The following UACA variants were observed in gnomAD, a reference collection of about 807,000 sequenced individuals.
UACA encodes the protein nuclear membrane binding protein.
Under a neutral mutation model 160.5 loss-of-function variants are expected in UACA, and 112 were observed. The observed-to-expected ratio is 0.70, with a 90% CI of 0.60 to 0.82. The LOEUF is 0.82. UACA is among the 40% of genes least tolerant of loss of function. UACA has a pLI of 0.00. For synonymous variants in UACA, 557 were observed against 568.4 expected, an observed-to-expected ratio of 0.98 and a Z score of 0.29; for missense variants, 1,574 against 1,614.6, an observed-to-expected ratio of 0.97 and a Z score of 0.43.
At chr15:70,665,673 G>C (rs1896878629) in intron 16 of UACA, among the ~76,000 whole-genome samples, 4 of 152,080 alleles carry the variant, frequency 2.6e-5, no homozygotes, top group Admixed American at 2.6e-4. Flanking sequence ...GCAACAAGTA[G>C]ATATTAATAA....
chr15:70,684,532 CT>C, intron 7 of UACA, 86 bp from the exon 8 acceptor site: 1 of 1,343,364 alleles, frequency 7.4e-7, no homozygotes, highest in Non-Finnish European at 1.0e-6. Context: ...TGAACACTGT[CT>C]TAGTGTTCAC....
intron 2 of UACA, among the ~76,000 whole-genome samples, chr15:70,697,209 C>T (rs1898160729): frequency 6.6e-6 from 1 of 152,092 alleles, no homozygotes; most frequent in South Asian, 2.1e-4. Flanking sequence ...AGTGAGCTAA[C>T]AAAATAGTAA....
intron 18 of UACA, among the ~76,000 whole-genome samples, chr15:70,657,437 C>A (rs1896518262): frequency 1.3e-5 from 2 of 151,942 alleles, no homozygotes; most frequent in African/African-American, 4.8e-5. Context: ...ATGGCGAAAC[C>A]CCATCTCTGG....
intron 13 of UACA, among the ~76,000 whole-genome samples, chr15:70,674,316 T>A (rs1421052002): frequency 6.6e-6 from 1 of 152,180 alleles, no homozygotes; most frequent in Non-Finnish European, 1.5e-5. Context: ...CCCATCATAC[T>A]GAATGGGAAC....
intron 2 of UACA, 70 bp from the exon 3 acceptor site, chr15:70,695,175 T>A (rs1015462560): frequency 5.6e-6 from 6 of 1,073,562 alleles, no homozygotes; most frequent in Non-Finnish European, 8.0e-6. Context: ...TACATTAATG[T>A]CACCCTTTTT....
intron 7 of UACA, among the ~76,000 whole-genome samples, chr15:70,685,713 G>A (rs1390285873): frequency 2.0e-5 from 3 of 151,968 alleles, no homozygotes; most frequent in African/African-American, 7.3e-5. Flanking sequence ...AAAAATGTGA[G>A]AGCTATAAAA....
intron 1 of UACA, among the ~76,000 whole-genome samples, chr15:70,718,715 A>C (rs188368626): frequency 1.2e-4 from 18 of 152,252 alleles, no homozygotes; most frequent in Admixed American, 9.8e-4. Flanking sequence ...AATTACTATA[A>C]CATGGCTGAA....
At chr15:70,713,893 AC>A (rs565538483) in intron 1 of UACA, among the ~76,000 whole-genome samples, 143 of 152,310 alleles carry the variant, frequency 9.4e-4, no homozygotes, top group African/African-American at 3.3e-3. Context: ...TGCTAAAAAA[AC>A]AACCATAAAA....
chr15:70,666,798 A>G lies in UACA; in HGVS notation c.3886T>C (p.Ser1296Pro). The change falls in exon 16 of 19, where the codon TCC (serine) becomes CCC (proline). Residue 1296 changes from serine (S) to proline (P), a missense_variant. Ser to Pro is a moderately conservative substitution (Grantham distance 74, BLOSUM62 -1). Coordinates refer to ENST00000322954, the MANE Select transcript of UACA (RefSeq NM_018003.4). ...IKDQKERCDKSLTTITELQRR... is the reference protein window; with the variant it reads ...IKDQKERCDKPLTTITELQRR... ...TGTAACTCTGTGATTGTTGTTAAGGACTTATCACATCGTTCCTTCTGATCC... is the reference window on the plus strand; with the variant it reads ...TGTAACTCTGTGATTGTTGTTAAGGGCTTATCACATCGTTCCTTCTGATCC... 6.2e-7 allele frequency: 1 copy of G among 1,613,468 alleles called. No homozygotes were observed. The highest frequency in any genetic ancestry group is 8.5e-7 in the Non-Finnish European group (1 of 1,179,876).
At chr15:70,689,881 A>G (rs1897865856) in intron 5 of UACA, among the ~76,000 whole-genome samples, 1 of 152,188 alleles carries the variant, frequency 6.6e-6, no homozygotes, top group African/African-American at 2.4e-5. Flanking sequence ...ATAGCACATT[A>G]CAGTGATATG....
At chr15:70,706,990 A>C (rs1042352745) in intron 1 of UACA, among the ~76,000 whole-genome samples, 13 of 152,192 alleles carry the variant, frequency 8.5e-5, no homozygotes, top group African/African-American at 3.1e-4. Flanking sequence ...GCAGTCTTGA[A>C]AAGGAAAAAG....
At chr15:70,687,214 C>T (rs1226812233) in intron 7 of UACA, among the ~76,000 whole-genome samples, 1 of 152,180 alleles carries the variant, frequency 6.6e-6, no homozygotes, top group Non-Finnish European at 1.5e-5. Context: ...CTTACTTGCA[C>T]CCATTTCATT....
chr15:70,679,041 CT>C (rs1897386063), intron 10 of UACA, among the ~76,000 whole-genome samples: 3 of 152,116 alleles, frequency 2.0e-5, no homozygotes, highest in African/African-American at 7.2e-5. Context: ...CACCATACTT[CT>C]AGCGTTACAT....
intron 1 of UACA, chr15:70,748,795 A>C (rs1209867127): frequency 6.6e-6 from 1 of 152,536 alleles, no homozygotes; most frequent in Non-Finnish European, 1.5e-5. Context: ...AGTGTTTATA[A>C]GTGAGATATT....
chr15:70,688,251 C>A (rs1427982469), intron 5 of UACA, among the ~76,000 whole-genome samples: 1 of 152,040 alleles, frequency 6.6e-6, no homozygotes, highest in Admixed American at 6.6e-5. Flanking sequence ...ATTCATATTT[C>A]TCATAAAAGC....
At chr15:70,712,065 T>TATATA (rs933361783) in intron 1 of UACA, among the ~76,000 whole-genome samples, 3 of 149,754 alleles carry the variant, frequency 2.0e-5, no homozygotes, top group African/African-American at 7.6e-5. Flanking sequence ...TATATATATA[T>TATATA]ATCTCCATAT....
At chr15:70,670,983 G>A in intron 15 of UACA, 56 bp downstream of exon 15, 1 of 1,175,974 alleles carries the variant, frequency 8.5e-7, no homozygotes, top group Non-Finnish European at 1.2e-6. Context: ...TCTTTATAAA[G>A]GCACAAAAAT....
chr15:70,693,804 A>G (rs1192082165), intron 3 of UACA, among the ~76,000 whole-genome samples: 2 of 152,186 alleles, frequency 1.3e-5, no homozygotes, highest in Admixed American at 1.3e-4. Flanking sequence ...AATAGTCTTA[A>G]GAGCTCTGAA....
At chr15:70,703,749 C>T (rs1400888953) in intron 1 of UACA, among the ~76,000 whole-genome samples, 1 of 152,174 alleles carries the variant, frequency 6.6e-6, no homozygotes. Flanking sequence ...TCCTGAGCTG[C>T]CTGCCACCTC....
Sources: allele counts gnomAD v4.1 joint callset (sites outside exome capture counted in the v4.1 genomes callset), GRCh38; gene constraint gnomAD v4.1.1; transcripts MANE v1.5; gene names NCBI Gene and HGNC (gene_info 2026-07-23, HGNC 2026-07-21).